The following VIRMA variants were observed in gnomAD, a reference collection of about 807,000 sequenced individuals.
VIRMA encodes the protein vir like m6A methyltransferase associated, also known as protein virilizer homolog.
In VIRMA, 65 loss-of-function variants were observed where a neutral mutation model predicts 182.4. The ratio of observed to expected loss-of-function variants is 0.36; its 90% CI spans 0.29 to 0.44. The LOEUF (loss-of-function observed/expected upper bound fraction) is 0.44. Among genes scored for constraint, VIRMA ranks in the 20% least tolerant of loss-of-function variants. VIRMA has a pLI of 1.00. For missense variants in VIRMA, 1,752 were observed against 2,158.1 expected (o/e 0.81, Z 3.73); for synonymous variants, 709 against 743.1 (o/e 0.95, Z 0.75).
At chr8:94,524,361 G>A (rs1814880765) in intron 8 of VIRMA, among the ~76,000 whole-genome samples, 1 of 151,108 alleles carries the variant, frequency 6.6e-6, no homozygotes, top group African/African-American at 2.4e-5. Flanking sequence ...CTGGAGTGCA[G>A]TGGCCAGATC....
intron 23 of VIRMA, 126 bp from the exon 24 acceptor site, chr8:94,488,986 C>A: frequency 1.0e-6 from 1 of 1,002,018 alleles, no homozygotes. Context: ...CACGTGCAAG[C>A]ACGGTGAATG....
intron 16 of VIRMA, among the ~76,000 whole-genome samples, chr8:94,501,237 C>G (rs866517056): frequency 9.0e-6 from 1 of 110,904 alleles, no homozygotes; most frequent in Non-Finnish European, 1.6e-5. Flanking sequence ...GCCCAGGGGA[C>G]AGTGCGAGAT....
At position 94,524,456 on chromosome 8, in the gene VIRMA, C is replaced by T. The variant is rs1172373676; in HGVS notation, c.2021+1767G>A. On this transcript the variant is annotated intron_variant, in intron 8 of 23. Coordinates refer to ENST00000297591, the MANE Select transcript of VIRMA (RefSeq NM_015496.5). ...AGTAGCTGGGATTACAGGCGCCCAC[C>T]ACCACACCCGACTAATTTTTGTATT... Among the ~76,000 whole-genome samples, 5 of 152,068 alleles carry T rather than the reference C, an allele frequency of 3.3e-5. No homozygotes were observed. The East Asian group carries it at 9.6e-4, about 29-fold the overall frequency.
intron 20 of VIRMA, among the ~76,000 whole-genome samples, 172 bp downstream of exon 20, chr8:94,494,688 A>T (rs1254649014): frequency 1.3e-5 from 2 of 151,870 alleles, no homozygotes; most frequent in Admixed American, 1.3e-4. Context: ...AAAGCAGGAG[A>T]AAAAACTTTC....
At position 94,539,770 on chromosome 8, in the gene VIRMA, C is replaced by T. The variant is rs529941880; in HGVS notation, c.180-1424G>A. ...CAATGCAACAGTGTTGGGAGGCAAG[C>T]CTAATAAGACATGACTGGATCATGA... On this transcript the variant is annotated intron_variant, in intron 2 of 23. Coordinates refer to ENST00000297591, the MANE Select transcript of VIRMA (RefSeq NM_015496.5). Among the ~76,000 whole-genome samples the T allele has an allele frequency of 6.6e-5, 10 of 152,242 alleles. 1 individual carries two copies. In the South Asian group the frequency reaches 2.1e-3, roughly 32 times the overall value.
Position 94,553,467 on chromosome 8 carries a change from CA to C in VIRMA, c.-21del, listed in dbSNP as rs752147149. 5.0e-6 allele frequency: 8 copies of C among 1,613,262 alleles called. No individual in the cohort carries two copies. Among genetic ancestry groups the C allele is most frequent in the Middle Eastern group, 1.7e-4 (1 of 5,994 alleles). ...CGCCATGTTTGCCGCGGGCGGGGAA[CA>C]GGGGGGAGGACTTCCGGGGCAGCGC... On this transcript the variant is annotated 5_prime_UTR_variant, in exon 1 of 24. Coordinates refer to ENST00000297591, the MANE Select transcript of VIRMA (RefSeq NM_015496.5).
In VIRMA at chr8:94,510,555, C is replaced by T. The variant is rs776106122; in HGVS notation, c.3488G>A (p.Arg1163His). 7 of 1,613,858 alleles carry T rather than the reference C, an allele frequency of 4.3e-6. No individual in the cohort carries two copies. In the African/African-American group the frequency reaches 5.3e-5, roughly 12 times the overall value. ...CTGGCAGGTTGTGCCAGAGAAAGAG[C>T]GAACTATTTCTTGGAGCAACTTTGC... ...VQAKLLQEIV[R>H]SFSGTTCQPI... is the part of the protein sequence containing the mutation. Residue 1163 changes from arginine to histidine, a missense_variant, in exon 14 of 24, where the codon CGC (arginine) becomes CAC (histidine). Transcript: ENST00000297591.
At chr8:94,490,218 G>A in intron 22 of VIRMA, 136 bp from the exon 23 acceptor site, 1 of 927,620 alleles carries the variant, frequency 1.1e-6, no homozygotes, top group Non-Finnish European at 1.6e-6. Context: ...CTATATAGTG[G>A]CAACATCACA....
rs887924591 is a variant in VIRMA at position 94,523,828 on chromosome 8, G to A, written c.2021+2395C>T. On this transcript the variant is annotated intron_variant, in intron 8 of 23. Transcript: ENST00000297591. ...TTTTTTTGAGATAGCATCTCACTCT[G>A]TTGCCCAGGCTGGAGTGCAGTGGCC... is the stretch of plus-strand genomic sequence containing the variant. Among the ~76,000 whole-genome samples the A allele has an allele frequency of 5.3e-5, 8 of 151,460 alleles. No individual in the cohort carries two copies. In the East Asian group the frequency reaches 5.9e-4, roughly 11 times the overall value.
rs753216437 is a variant in VIRMA at position 94,496,391 on chromosome 8, C to A, written c.4320G>T (p.Gln1440His). ...TMSINAAELK[Q>H]LLQSKEESPE... ...GACTTTCTTCTTTGCTTTGTAGAAG[C>A]TGTTTTAACTCTGCAGCATTAATAC... Residue 1440 changes from glutamine to histidine, a missense_variant, in exon 18 of 24, where the codon CAG becomes CAT. By Grantham distance (24) the Gln-to-His change is conservative (BLOSUM62 0). Around this residue, in one of 11 missense-constraint regions of VIRMA, gnomAD observed 777 missense variants for 920.6 expected, o/e 0.84. Coordinates refer to ENST00000297591, the MANE Select transcript of VIRMA (RefSeq NM_015496.5). 1.2e-6 allele frequency: 2 copies of A among 1,613,582 alleles called. No homozygotes were observed. Among genetic ancestry groups the A allele is most frequent in the Non-Finnish European group, 1.7e-6 (2 of 1,179,722 alleles).
chr8:94,550,034 T>C (rs3098711), intron 1 of VIRMA, among the ~76,000 whole-genome samples: 40,854 of 151,062 alleles, frequency 0.27, 5,681 homozygotes, highest in South Asian at 0.45. Flanking sequence ...GTGGGAGAAA[T>C]TGCAGTGAGC....
intron 6 of VIRMA, 105 bp from the exon 7 acceptor site, chr8:94,529,447 A>G (rs1375545599): frequency 4.8e-6 from 3 of 631,236 alleles, no homozygotes; most frequent in Non-Finnish European, 8.4e-6. Context: ...GATATAGTTT[A>G]TAAATACCCT....
In VIRMA at chr8:94,526,957, G is replaced by A; in HGVS notation, c.1287C>T (p.Gly429=). The A allele has an allele frequency of 1.2e-6, 2 of 1,614,178 alleles. No homozygotes were observed. The highest frequency in any genetic ancestry group is 3.3e-4 in the Middle Eastern group (2 of 6,062). Residue 429 remains glycine, a synonymous_variant, in exon 8 of 24, where the codon GGC becomes GGT. Transcript: ENST00000297591. ...QLKNTKQDSL[G]QLVDWTMQAL... ...CTTGCATGGTCCAGTCTACCAACTGGCCAAGGGAGTCTTGTTTTGTGTTTT... is the reference window on the plus strand; with the variant it reads ...CTTGCATGGTCCAGTCTACCAACTGACCAAGGGAGTCTTGTTTTGTGTTTT...
At chr8:94,504,779 G>A (rs2130289602) in intron 16 of VIRMA, among the ~76,000 whole-genome samples, 1 of 152,278 alleles carries the variant, frequency 6.6e-6, no homozygotes, top group East Asian at 1.9e-4. Flanking sequence ...GACTTAATGA[G>A]ATGCCATTAG....
intron 10 of VIRMA, 48 bp from the exon 11 acceptor site, chr8:94,514,999 A>G (rs1013110475): frequency 1.1e-6 from 1 of 926,216 alleles, no homozygotes; most frequent in African/African-American, 1.7e-5. Flanking sequence ...AAGGCTTTAT[A>G]ACAAAGAAAG....
intron 1 of VIRMA, among the ~76,000 whole-genome samples, chr8:94,552,039 C>T (rs1025508014): frequency 1.3e-5 from 2 of 152,168 alleles, no homozygotes; most frequent in Admixed American, 6.5e-5. Flanking sequence ...TTTAACTGTT[C>T]TCTATTTCTA....
chr8:94,531,040 G>A lies in VIRMA; in HGVS notation c.530C>T (p.Pro177Leu), dbSNP rs1815156409. 6.3e-7 allele frequency: 1 copy of A among 1,594,992 alleles called. No individual in the cohort carries two copies. Among genetic ancestry groups the A allele is most frequent in the South Asian group, 1.1e-5 (1 of 88,610 alleles). The change falls in exon 6 of 24, where the codon CCA becomes CTA. Residue 177 changes from proline to leucine, a missense_variant. Physicochemically the swap from Pro to Leu is moderately conservative, Grantham distance 98. Coordinates refer to ENST00000297591, the MANE Select transcript of VIRMA (RefSeq NM_015496.5). ...AGGAGTTCTTGGTCCCCTTGGCTGT[G>A]GTCTTGGAGGGCTTCCATTAAACTG... Reference protein sequence around the residue: ...EDQFNGSPPRPQPRGPRTPPG... With the variant: ...EDQFNGSPPRLQPRGPRTPPG...
Position 94,511,326 on chromosome 8 carries a change from T to G in VIRMA, c.3249A>C (p.Glu1083Asp). ...QGVNEKLTIS[E>D]ETLANNTWSL... is the part of the protein sequence containing the mutation. ...ACCAAGTATTATTGGCCAGAGTCTC[T>G]TCTGAGATTGTGAGTTTTTCATTAA... is the stretch of plus-strand genomic sequence containing the variant. Residue 1083 changes from glutamate (E) to aspartate (D), a missense_variant, in exon 13 of 24, where the codon GAA becomes GAC. Physicochemically the swap from Glu to Asp is conservative, Grantham distance 45. Transcript: ENST00000297591. 6.2e-7 allele frequency: 1 copy of G among 1,613,814 alleles called. No individual in the cohort carries two copies. Among genetic ancestry groups the G allele is most frequent in the Non-Finnish European group, 8.5e-7 (1 of 1,179,930 alleles).
At chr8:94,520,784 G>A (rs1406920202) in intron 8 of VIRMA, among the ~76,000 whole-genome samples, 2 of 152,130 alleles carry the variant, frequency 1.3e-5, no homozygotes, top group African/African-American at 4.8e-5. Context: ...AGGGATGACT[G>A]TACTATAGAA....
Sources: allele counts gnomAD v4.1 joint callset (sites outside exome capture counted in the v4.1 genomes callset), GRCh38; gene constraint gnomAD v4.1.1; regional missense constraint gnomAD v4.1.1; transcripts MANE v1.5; gene names NCBI Gene and HGNC (gene_info 2026-07-23, HGNC 2026-07-21).